FGF13: variants seen among roughly 807,000 people sequenced by gnomAD.
FGF13 encodes the protein fibroblast growth factor homologous factor 2.
A neutral mutation model predicts 19.5 loss-of-function variants in FGF13; 2 were observed. That is an observed-to-expected ratio of 0.10 (90% CI 0.04 to 0.32). The LOEUF is 0.32. Ranked by LOEUF, FGF13 falls within the 10% of genes least tolerant of loss-of-function variation. FGF13 has a pLI of 1.00. For synonymous variants in FGF13, 72 were observed against 76.9 expected, an observed-to-expected ratio of 0.94 and a Z score of 0.33; for missense variants, 113 against 192.7, an observed-to-expected ratio of 0.59 and a Z score of 2.45.
chrX:138,989,161 G>A (rs1417363407), intron 1 of FGF13, among the ~76,000 whole-genome samples: 1 of 111,493 alleles, frequency 9.0e-6, no homozygotes, highest in Admixed American at 9.6e-5. Flanking sequence ...GAAACGGCAT[G>A]TGCATTTAAC....
intron 1 of FGF13, among the ~76,000 whole-genome samples, chrX:139,138,862 A>C (rs1007351388): frequency 8.2e-5 from 9 of 109,350 alleles, no homozygotes; most frequent in Non-Finnish European, 1.9e-5. Flanking sequence ...CACAGCGTGG[A>C]CTCTGACCCA....
chrX:138,654,744 A>AATACATACATAC (rs61363120), intron 3 of FGF13, among the ~76,000 whole-genome samples: 94 of 105,098 alleles, frequency 8.9e-4, no homozygotes, highest in East Asian at 5.7e-3. Flanking sequence ...CCGGCTCAAA[A>AATACATACATAC]ATACATACAT....
chrX:138,931,419 C>T (rs926158057), intron 1 of FGF13, among the ~76,000 whole-genome samples: 7 of 111,998 alleles, frequency 6.3e-5, no homozygotes, highest in African/African-American at 2.3e-4. Context: ...TGCTTTAGCG[C>T]AGATGTTTTT....
intron 1 of FGF13, among the ~76,000 whole-genome samples, chrX:138,965,660 G>A (rs138315581): frequency 0.012 from 1,375 of 110,142 alleles, 69 homozygotes; most frequent in Admixed American, 0.099. Context: ...GTGGGGCCCA[G>A]TACAAAATAA....
intron 1 of FGF13, among the ~76,000 whole-genome samples, chrX:139,162,947 G>A (rs1218536114): frequency 8.9e-6 from 1 of 112,096 alleles, no homozygotes; most frequent in South Asian, 3.8e-4. Flanking sequence ...GTTGGTGGGA[G>A]TGTAAATTAA....
intron 1 of FGF13, among the ~76,000 whole-genome samples, chrX:139,057,978 C>T (rs1450031350): frequency 9.0e-6 from 1 of 111,456 alleles, no homozygotes; most frequent in African/African-American, 3.3e-5. Flanking sequence ...TTCTCCAATT[C>T]GTGAAGATTT....
chrX:138,802,284 G>A (rs777935931), intron 3 of FGF13, among the ~76,000 whole-genome samples: 2 of 111,888 alleles, frequency 1.8e-5, no homozygotes, highest in African/African-American at 3.2e-5. Flanking sequence ...AAAAACCATG[G>A]GAAAAGCATA....
In FGF13 at chrX:138,982,118, G is replaced by A. The variant is rs1156631234; in HGVS notation, c.-112-117468C>T. On this transcript the variant is annotated intron_variant, in intron 1 of 2. Transcript: ENST00000421460. The stretch of plus-strand genomic sequence containing the variant: ...TTTATGGTTGAAGGATATAATCAAG[G>A]TTGGGAGAAGGTCGTTAAGGTCAGG... Among the ~76,000 whole-genome samples the A allele has an allele frequency of 3.6e-5, 4 of 111,752 alleles. No homozygotes were observed. In the East Asian group the frequency reaches 1.1e-3, roughly 31 times the overall value.
intron 1 of FGF13, among the ~76,000 whole-genome samples, chrX:139,112,971 A>T (rs973529325): frequency 3.4e-5 from 3 of 87,756 alleles, no homozygotes; most frequent in Non-Finnish European, 6.8e-5. Flanking sequence ...TTGATTATGT[A>T]GTGTGTGTGT....
At chrX:138,788,703 T>C (rs1004962790) in intron 3 of FGF13, among the ~76,000 whole-genome samples, 6 of 112,243 alleles carry the variant, frequency 5.3e-5, no homozygotes, top group African/African-American at 1.9e-4. Flanking sequence ...GTTTTTTCTA[T>C]TGGGGTAGCT....
chrX:139,160,495 C>A (rs1392162207), intron 1 of FGF13, among the ~76,000 whole-genome samples: 2 of 110,716 alleles, frequency 1.8e-5, no homozygotes, highest in African/African-American at 6.6e-5. Flanking sequence ...AAGATCAGAG[C>A]AGAACTGAAG....
At chrX:138,965,455 G>T (rs1225965826) in intron 1 of FGF13, among the ~76,000 whole-genome samples, 1 of 112,028 alleles carries the variant, frequency 8.9e-6, no homozygotes, top group East Asian at 2.8e-4. Flanking sequence ...GGATATCAGG[G>T]TATCTGGTAC....
intron 1 of FGF13, among the ~76,000 whole-genome samples, chrX:139,079,339 C>T (rs191004085): frequency 5.4e-5 from 6 of 110,773 alleles, no homozygotes; most frequent in South Asian, 3.9e-4. Context: ...GGGCAAGAGA[C>T]GGGATCACAA....
intron 3 of FGF13, among the ~76,000 whole-genome samples, chrX:138,700,033 C>T (rs748664949): frequency 9.1e-6 from 1 of 110,286 alleles, no homozygotes; most frequent in African/African-American, 3.3e-5. Context: ...TTAATTCTTA[C>T]CTGAAGACAC....
At chrX:139,041,176 C>T (rs781430342) in intron 1 of FGF13, among the ~76,000 whole-genome samples, 2 of 109,386 alleles carry the variant, frequency 1.8e-5, no homozygotes, top group African/African-American at 3.4e-5. Context: ...ATGTAATAAA[C>T]CTGCACATTC....
chrX:139,087,022 C>T (rs1334853427), intron 1 of FGF13, among the ~76,000 whole-genome samples: 9 of 112,777 alleles, frequency 8.0e-5, no homozygotes, highest in African/African-American at 1.6e-4. Context: ...ACTGGCTGGG[C>T]GCAGTGGCTC....
intron 3 of FGF13, among the ~76,000 whole-genome samples, chrX:138,643,729 G>A (rs1038902899): frequency 9.0e-6 from 1 of 111,640 alleles, no homozygotes; most frequent in African/African-American, 3.3e-5. Flanking sequence ...TTCAAGCGAA[G>A]AACACTTCTC....
chrX:139,151,141 C>G (rs1476500829), intron 1 of FGF13, among the ~76,000 whole-genome samples: 2 of 110,692 alleles, frequency 1.8e-5, no homozygotes, highest in African/African-American at 6.6e-5. Context: ...TTTTGGCTCT[C>G]GAGAGCTCAA....
chrX:138,859,325 C>G (rs2091276206), intron 2 of FGF13, among the ~76,000 whole-genome samples: 1 of 111,748 alleles, frequency 8.9e-6, no homozygotes, highest in Admixed American at 9.5e-5. Flanking sequence ...TTAAATAAAA[C>G]TCCCCAAATT....
Sources: allele counts gnomAD v4.1 joint callset (sites outside exome capture counted in the v4.1 genomes callset), GRCh38; gene constraint gnomAD v4.1.1; transcripts MANE v1.5; gene names NCBI Gene and HGNC (gene_info 2026-07-23, HGNC 2026-07-21).